Variants in CLVS1 observed in about 807,000 individuals in gnomAD.
CLVS1 encodes the protein clavesin 1.
In CLVS1, 10 loss-of-function variants were observed where a neutral mutation model predicts 33.1. That is an observed-to-expected ratio of 0.30 (90% CI 0.19 to 0.51). The LOEUF is 0.51. CLVS1 is among the 20% of genes least tolerant of loss of function. The probability of loss-of-function intolerance (pLI) is 0.97; values close to 1 mark genes in which losing one functional copy is unlikely to be tolerated. For synonymous variants in CLVS1, 163 were observed against 166.1 expected, an observed-to-expected ratio of 0.98 and a Z score of 0.14; for missense variants, 343 against 433.4, an observed-to-expected ratio of 0.79 and a Z score of 1.85.
chr8:61,121,233 C>G (rs747329722), intron 1 of CLVS1, among the ~76,000 whole-genome samples: 2 of 152,076 alleles, frequency 1.3e-5, no homozygotes, highest in Non-Finnish European at 2.9e-5. Flanking sequence ...TGCTTCGGCT[C>G]GCTCACGGTG....
At chr8:61,168,935 C>T (rs926617923) in intron 2 of CLVS1, among the ~76,000 whole-genome samples, 1 of 152,230 alleles carries the variant, frequency 6.6e-6, no homozygotes, top group Non-Finnish European at 1.5e-5. Flanking sequence ...CAGACGTCAA[C>T]TTTTAATTTT....
the CLVS1 span, among the ~76,000 whole-genome samples, chr8:60,993,168 C>G: frequency 6.6e-6 from 1 of 152,230 alleles, no homozygotes; most frequent in African/African-American, 2.4e-5. Context: ...CAGATGATGA[C>G]GGTCACCACT....
chr8:60,989,040 A>AT, the CLVS1 span, among the ~76,000 whole-genome samples: 161 of 151,292 alleles, frequency 1.1e-3, no homozygotes, highest in Non-Finnish European at 1.8e-3. Context: ...ATTACAAACA[A>AT]TTTTTTTTTA....
chr8:61,242,792 CA>C (rs569975134), intron 2 of CLVS1, among the ~76,000 whole-genome samples: 232 of 142,770 alleles, frequency 1.6e-3, no homozygotes, highest in African/African-American at 1.7e-3. Flanking sequence ...GACCCTGCCT[CA>C]AAAAAAAAAA....
chr8:61,394,537 A>C (rs1184058139), intron 3 of CLVS1, among the ~76,000 whole-genome samples: 1 of 152,064 alleles, frequency 6.6e-6, no homozygotes, highest in Non-Finnish European at 1.5e-5. Flanking sequence ...GGGGGTTCTC[A>C]GGTTATCAGA....
At chr8:61,268,083 G>C (rs1478706221) in intron 2 of CLVS1, among the ~76,000 whole-genome samples, 1 of 151,676 alleles carries the variant, frequency 6.6e-6, no homozygotes, top group Non-Finnish European at 1.5e-5. Flanking sequence ...AGTTACATAT[G>C]TATACATGTG....
At chr8:61,448,916 C>A (rs1002847597) in intron 3 of CLVS1, among the ~76,000 whole-genome samples, 68 of 152,120 alleles carry the variant, frequency 4.5e-4, no homozygotes, top group African/African-American at 1.6e-3. Context: ...TATTGACTGT[C>A]ATTTTTTATT....
chr8:61,220,259 C>T (rs1295679140), intron 2 of CLVS1, among the ~76,000 whole-genome samples: 2 of 152,100 alleles, frequency 1.3e-5, no homozygotes, highest in Admixed American at 6.6e-5. Context: ...AAGGTATTGC[C>T]TAAGTTTTCT....
At chr8:61,338,990 GTGTA>G (rs1410825550) in intron 2 of CLVS1, among the ~76,000 whole-genome samples, 3 of 137,980 alleles carry the variant, frequency 2.2e-5, no homozygotes, top group Non-Finnish European at 3.2e-5. Context: ...GTGTGTGTGT[GTGTA>G]TGCATGTGAG....
upstream of CLVS1, among the ~76,000 whole-genome samples, chr8:61,283,809 A>C (rs1809721943): frequency 6.6e-6 from 1 of 152,224 alleles, no homozygotes; most frequent in East Asian, 1.9e-4. Flanking sequence ...TGAATTAAAA[A>C]ATAAATTGTG....
At chr8:61,264,292 G>C (rs550082597) in intron 2 of CLVS1, among the ~76,000 whole-genome samples, 1 of 152,080 alleles carries the variant, frequency 6.6e-6, no homozygotes, top group East Asian at 1.9e-4. Flanking sequence ...AACTTTCTCT[G>C]AGTTTAACGA....
intron 2 of CLVS1, among the ~76,000 whole-genome samples, chr8:61,228,463 C>G (rs2978544): frequency 0.48 from 72,224 of 152,016 alleles, 17,921 homozygotes; most frequent in East Asian, 0.82. Context: ...CCTAACCTAC[C>G]AAACATCATA....
intron 2 of CLVS1, among the ~76,000 whole-genome samples, chr8:61,248,568 T>G (rs1219745444): frequency 6.6e-6 from 1 of 152,142 alleles, no homozygotes; most frequent in Non-Finnish European, 1.5e-5. Flanking sequence ...TGGGATTGCC[T>G]TTCTGATTGG....
intron 2 of CLVS1, among the ~76,000 whole-genome samples, chr8:61,238,426 C>T (rs894969791): frequency 7.2e-5 from 11 of 152,058 alleles, no homozygotes; most frequent in Non-Finnish European, 1.5e-4. Context: ...TTCTTTTTCC[C>T]CCACAAAGAG....
At chr8:61,491,649 G>T (rs1336043952) in intron 5 of CLVS1, among the ~76,000 whole-genome samples, 1 of 152,140 alleles carries the variant, frequency 6.6e-6, no homozygotes, top group Non-Finnish European at 1.5e-5. Context: ...ATATTAAAGA[G>T]CTAAGAATGC....
the CLVS1 span, among the ~76,000 whole-genome samples, chr8:61,008,175 G>C: frequency 0.81 from 122,948 of 151,764 alleles, 49,908 homozygotes; most frequent in East Asian, 0.9. Flanking sequence ...TCACTGTTTT[G>C]CCATCATCCC....
chr8:61,477,169 C>A (rs1817976080), intron 5 of CLVS1, among the ~76,000 whole-genome samples: 1 of 152,154 alleles, frequency 6.6e-6, no homozygotes. Flanking sequence ...GGTGGATAAG[C>A]TTTTTGATGT....
chr8:60,986,458 C>T, the CLVS1 span, among the ~76,000 whole-genome samples: 1 of 152,184 alleles, frequency 6.6e-6, no homozygotes, highest in Non-Finnish European at 1.5e-5. Context: ...TCTCTATATT[C>T]CCGAATTCCA....
intron 5 of CLVS1, among the ~76,000 whole-genome samples, chr8:61,492,093 A>C (rs1443269290): frequency 6.6e-6 from 1 of 152,190 alleles, no homozygotes; most frequent in African/African-American, 2.4e-5. Flanking sequence ...ATAGATTTCT[A>C]AGTAAGGATT....
Sources: gnomAD v4.1 joint callset for allele counts (sites outside exome capture counted in the v4.1 genomes callset) on GRCh38, gnomAD v4.1.1 for gene constraint, MANE v1.5 for transcripts, NCBI Gene and HGNC (gene_info 2026-07-23, HGNC 2026-07-21) for gene names.